Variants in THSD7A observed in about 807,000 individuals in gnomAD.
THSD7A encodes thrombospondin type 1 domain containing 7A, also known as thrombospondin type-1 domain-containing protein 7A.
THSD7A carries 96 observed loss-of-function variants against 231.3 expected under a neutral mutation model. The ratio of observed to expected loss-of-function variants is 0.41; its 90% confidence interval spans 0.35 to 0.49. The LOEUF (loss-of-function observed/expected upper bound fraction) is 0.49, where lower values mean the gene tolerates loss of function less well. Ranked by LOEUF, THSD7A falls within the 20% of genes least tolerant of loss-of-function variation. THSD7A has a pLI of 0.05. For missense variants in THSD7A, 2,290 were observed against 2,070.2 expected, an observed-to-expected ratio of 1.11 and a Z score of -2.06; for synonymous variants, 940 against 743.3, an observed-to-expected ratio of 1.26 and a Z score of -4.30.
At chr7:11,513,568 C>T (rs1787907097) in intron 6 of THSD7A, among the ~76,000 whole-genome samples, 1 of 152,018 alleles carries the variant, frequency 6.6e-6, no homozygotes, top group African/African-American at 2.4e-5. Context: ...TTATATCATT[C>T]TATTTATAGA....
intron 1 of THSD7A, among the ~76,000 whole-genome samples, chr7:11,641,910 GA>G (rs1172596180): frequency 6.6e-6 from 1 of 152,050 alleles, no homozygotes; most frequent in Non-Finnish European, 1.5e-5. Context: ...TACACACGAT[GA>G]AGGGCTGTCT....
intron 2 of THSD7A, among the ~76,000 whole-genome samples, chr7:11,619,477 T>C (rs1404241469): frequency 1.3e-5 from 2 of 151,326 alleles, no homozygotes; most frequent in African/African-American, 4.9e-5. Flanking sequence ...GGTGGAATCA[T>C]AGTTCACTGC....
chr7:11,825,756 T>C (rs1192632524), intron 1 of THSD7A, among the ~76,000 whole-genome samples: 1 of 152,158 alleles, frequency 6.6e-6, no homozygotes, highest in Non-Finnish European at 1.5e-5. Context: ...TTAGGAAACA[T>C]GAATAGAGTA....
chr7:11,547,815 T>A (rs574104462), intron 4 of THSD7A, among the ~76,000 whole-genome samples: 2 of 152,234 alleles, frequency 1.3e-5, no homozygotes, highest in East Asian at 3.9e-4. Context: ...TTGAAATTAA[T>A]GAAAACAAAC....
At chr7:11,544,060 A>G (rs562301472) in intron 4 of THSD7A, among the ~76,000 whole-genome samples, 4 of 152,200 alleles carry the variant, frequency 2.6e-5, no homozygotes, top group South Asian at 4.1e-4. Context: ...AATCTAATAC[A>G]TGGCCAGGCA....
chr7:11,612,129 G>T (rs764532926), intron 2 of THSD7A, among the ~76,000 whole-genome samples: 3 of 151,990 alleles, frequency 2.0e-5, no homozygotes, highest in Non-Finnish European at 2.9e-5. Context: ...CCCTCCAAAG[G>T]TTCTACTGAA....
At chr7:11,417,687 A>C in intron 16 of THSD7A, 84 bp from the exon 17 acceptor site, 2 of 1,394,178 alleles carry the variant, frequency 1.4e-6, no homozygotes, top group South Asian at 1.4e-5. Context: ...TGACCAACCC[A>C]CAGGACAGAT....
intron 1 of THSD7A, among the ~76,000 whole-genome samples, chr7:11,717,111 GT>G (rs1240914529): frequency 1.3e-5 from 2 of 151,438 alleles, no homozygotes; most frequent in Non-Finnish European, 3.0e-5. Context: ...AACACTGATC[GT>G]TTGCAAATAT....
intron 4 of THSD7A, among the ~76,000 whole-genome samples, chr7:11,588,346 G>A (rs1035281607): frequency 3.9e-5 from 6 of 152,114 alleles, no homozygotes; most frequent in Non-Finnish European, 8.8e-5. Context: ...TACATTTTTA[G>A]GGAGAATTAA....
chr7:11,784,861 G>C (rs1207421186), intron 1 of THSD7A, among the ~76,000 whole-genome samples: 1 of 152,084 alleles, frequency 6.6e-6, no homozygotes, highest in Non-Finnish European at 1.5e-5. Context: ...CCGGGTGTGT[G>C]TTTTGTGTTT....
intron 1 of THSD7A, among the ~76,000 whole-genome samples, chr7:11,721,903 T>C (rs1158670193): frequency 6.6e-6 from 1 of 151,904 alleles, no homozygotes; most frequent in African/African-American, 2.4e-5. Context: ...TTGCTCTCTA[T>C]GTTCCAAATA....
chr7:11,639,987 G>C lies in THSD7A; in HGVS notation c.191-3026C>G, dbSNP rs138077834. ...CTTCTAAGTTCATTCTAAAATAAAA[G>C]TAGAAGATGGTTGCTTTGAAAATGA... On this transcript the variant is annotated intron_variant, in intron 1 of 27. Coordinates refer to ENST00000423059, the MANE Select transcript of THSD7A (RefSeq NM_015204.3). Among the ~76,000 whole-genome samples, 47 of 152,218 alleles carry C rather than the reference G, an allele frequency of 3.1e-4. No individual in the cohort carries two copies. In the East Asian group the frequency reaches 7.3e-3, roughly 24 times the overall value.
intron 8 of THSD7A, among the ~76,000 whole-genome samples, chr7:11,471,075 A>T (rs1384772238): frequency 6.6e-6 from 1 of 151,990 alleles, no homozygotes; most frequent in Non-Finnish European, 1.5e-5. Flanking sequence ...CTAGAGGTCA[A>T]ATGCTGATAA....
At position 11,375,877 on chromosome 7, in the gene THSD7A, T is replaced by C; in HGVS notation, c.4891A>G (p.Lys1631Glu). The change falls in exon 28 of 28, where the codon AAA (lysine) becomes GAA (glutamate). Residue 1631 changes from lysine to glutamate, a missense_variant and splice_region_variant. Coordinates refer to ENST00000423059, the MANE Select transcript of THSD7A (RefSeq NM_015204.3). ...CTTCTTTGGGGTTTCTTTGGCTTTT[T>C]GCTGTAAAAAAATTCGGAATTAGGA... ...FIVSMIYLAC[K>E]KPKKPQRRQN... The C allele has an allele frequency of 1.2e-6, 2 of 1,612,520 alleles. No individual in the cohort carries two copies. Among genetic ancestry groups the C allele is most frequent in the Non-Finnish European group, 1.7e-6 (2 of 1,178,920 alleles).
At chr7:11,794,395 G>A (rs116007619) in intron 1 of THSD7A, among the ~76,000 whole-genome samples, 1,788 of 151,970 alleles carry the variant, frequency 0.012, 34 homozygotes, top group African/African-American at 0.041. Context: ...AATTATATCC[G>A]TATCTAACTT....
Position 11,584,424 on chromosome 7 carries a change from T to C in THSD7A, c.1453+6036A>G, listed in dbSNP as rs1386644017. ...TGAGTTAATAAAATATAAGAGTGTT[T>C]AATGTTTCTACCTTTTTCCCCAAAC... On this transcript the variant is annotated intron_variant, in intron 4 of 27. Transcript: ENST00000423059. Among the ~76,000 whole-genome samples the C allele has an allele frequency of 2.0e-5, 3 of 152,172 alleles. No individual in the cohort carries two copies. The East Asian group carries it at 5.8e-4, about 29-fold the overall frequency.
chr7:11,481,253 A>G (rs1786410284), intron 7 of THSD7A, among the ~76,000 whole-genome samples: 1 of 152,208 alleles, frequency 6.6e-6, no homozygotes. Flanking sequence ...TTTAAAAATG[A>G]ACAAAATTTA....
chr7:11,394,643 G>C (rs1034509997), intron 23 of THSD7A, among the ~76,000 whole-genome samples: 1 of 152,162 alleles, frequency 6.6e-6, no homozygotes, highest in Non-Finnish European at 1.5e-5. Context: ...CCTTGAAAGG[G>C]GAACAATAAA....
chr7:11,646,871 T>C (rs981828603), intron 1 of THSD7A, among the ~76,000 whole-genome samples: 9 of 152,016 alleles, frequency 5.9e-5, no homozygotes, highest in African/African-American at 2.2e-4. Flanking sequence ...AGTAATTCCA[T>C]GGAGCAGGGC....
Sources: allele counts gnomAD v4.1 joint callset (sites outside exome capture counted in the v4.1 genomes callset), GRCh38; gene constraint gnomAD v4.1.1; transcripts MANE v1.5; gene names NCBI Gene and HGNC (gene_info 2026-07-23, HGNC 2026-07-21).